ARMC9: variants seen among roughly 807,000 people sequenced by gnomAD.
ARMC9 encodes the protein armadillo repeat containing 9, also known as lisH domain-containing protein ARMC9.
ARMC9 carries 94 observed loss-of-function variants against 107.0 expected under a neutral mutation model. That is an observed-to-expected ratio of 0.88 (90% CI 0.74 to 1.04). ARMC9 has a LOEUF of 1.04. Among genes scored for constraint, ARMC9 ranks in the 50% least tolerant of loss-of-function variants. The pLI, the probability that ARMC9 is intolerant of heterozygous loss-of-function variation, is 0.00. For synonymous variants in ARMC9, 380 were observed against 396.9 expected (o/e 0.96, Z 0.51); for missense variants, 942 against 1,030.1 (o/e 0.91, Z 1.17).
intron 18 of ARMC9, among the ~76,000 whole-genome samples, chr2:231,292,977 CAT>C (rs1444033013): frequency 2.0e-5 from 3 of 152,170 alleles, no homozygotes; most frequent in African/African-American, 4.8e-5. Flanking sequence ...GTTGGGGTCT[CAT>C]GTGCAGCCAA....
intron 6 of ARMC9, among the ~76,000 whole-genome samples, chr2:231,225,085 C>T (rs1055153203): frequency 2.8e-4 from 42 of 152,166 alleles, no homozygotes; most frequent in African/African-American, 9.4e-4. Context: ...CTTTTTACTT[C>T]CTGATTATAA....
intron 19 of ARMC9, among the ~76,000 whole-genome samples, chr2:231,307,903 A>T (rs1325576303): frequency 6.6e-6 from 1 of 152,248 alleles, no homozygotes; most frequent in Non-Finnish European, 1.5e-5. Flanking sequence ...TAGGTTCCAG[A>T]TTGAAACTGC....
intron 8 of ARMC9, among the ~76,000 whole-genome samples, chr2:231,237,800 T>A (rs1245467024): frequency 3.3e-4 from 42 of 126,030 alleles, no homozygotes; most frequent in African/African-American, 8.9e-4. Flanking sequence ...TTTTTTTTTT[T>A]TTTTTTTTTT....
chr2:231,236,402 C>T (rs534163782), intron 8 of ARMC9, among the ~76,000 whole-genome samples: 2 of 152,274 alleles, frequency 1.3e-5, no homozygotes, highest in East Asian at 1.9e-4. Context: ...TCATGGGCAT[C>T]TTTATCTCAT....
At chr2:231,222,892 T>A in intron 6 of ARMC9, 72 bp downstream of exon 6, 1 of 1,008,532 alleles carries the variant, frequency 9.9e-7, no homozygotes, top group South Asian at 1.5e-5. Context: ...CACGCTGGCT[T>A]AGGTTTATTG....
Position 231,216,675 on chromosome 2 carries a change from A to C in ARMC9, c.386A>C (p.Lys129Thr). The C allele has an allele frequency of 6.2e-7, 1 of 1,613,854 alleles. No individual in the cohort carries two copies. The highest frequency in any genetic ancestry group is 8.5e-7 in the Non-Finnish European group (1 of 1,179,840). The change falls in exon 5 of 25, where the codon AAA (lysine) becomes ACA (threonine). Residue 129 changes from lysine to threonine, a missense_variant. Coordinates refer to ENST00000611582, the MANE Select transcript of ARMC9 (RefSeq NM_001352754.2). ...CTGGATGAAAAGATTTCCTACTTCA[A>C]AACCTACCTGGAGACCAAAGGGGCA... ...EELDEKISYF[K>T]TYLETKGAAL...
chr2:231,200,550 T>C (rs1367580964), intron 1 of ARMC9, among the ~76,000 whole-genome samples: 1 of 152,206 alleles, frequency 6.6e-6, no homozygotes, highest in Non-Finnish European at 1.5e-5. Flanking sequence ...GGCGGACGCC[T>C]GTAATCCCAT....
intron 20 of ARMC9, among the ~76,000 whole-genome samples, chr2:231,342,459 G>A (rs2044573503): frequency 6.6e-6 from 1 of 152,204 alleles, no homozygotes; most frequent in Non-Finnish European, 1.5e-5. Flanking sequence ...TGACAGTGGG[G>A]AAGTGGAGGC....
chr2:231,250,250 A>T (rs1448167851), intron 9 of ARMC9, among the ~76,000 whole-genome samples: 1 of 152,126 alleles, frequency 6.6e-6, no homozygotes, highest in Non-Finnish European at 1.5e-5. Flanking sequence ...GTGATTGGTG[A>T]TTCTGACTGT....
Position 231,355,887 on chromosome 2 carries a change from A to G in ARMC9, c.2084A>G (p.Tyr695Cys). The G allele has an allele frequency of 3.9e-6, 6 of 1,536,134 alleles. No individual in the cohort carries two copies. Among genetic ancestry groups the G allele is most frequent in the Non-Finnish European group, 5.2e-6 (6 of 1,146,900 alleles). The change falls in exon 22 of 25, where the codon TAC becomes TGC. Residue 695 changes from tyrosine to cysteine, a missense_variant. By Grantham distance (194) the Tyr-to-Cys change is radical. Transcript: ENST00000611582. ...CTGCCAGCCGCTCACGAGGCTGTCT[A>G]CAGGGAGGGCAAGCCCAGCACCCCG... ...QALPAAHEAV[Y>C]REGKPSTPES... is the part of the protein sequence containing the mutation.
intron 5 of ARMC9, among the ~76,000 whole-genome samples, chr2:231,220,470 G>A (rs776260835): frequency 2.0e-5 from 3 of 151,886 alleles, no homozygotes; most frequent in Non-Finnish European, 4.4e-5. Context: ...GGTGGCTAAT[G>A]CCTGTAATCC....
Position 231,235,339 on chromosome 2 carries a change from A to C in ARMC9, c.738A>C (p.Ala246=). The change falls in exon 8 of 25, where the codon GCA becomes GCC. Residue 246 remains alanine (A), a synonymous_variant. Coordinates refer to ENST00000611582, the MANE Select transcript of ARMC9 (RefSeq NM_001352754.2). ...ACCACAATCTCATTGGAGTCACAGC[A>C]GAGCTGGTGGATTCTCTAGAGGCCA... The part of the protein sequence containing the change: ...ADYHNLIGVT[A]ELVDSLEATV... 1.2e-6 allele frequency: 2 copies of C among 1,614,266 alleles called. No homozygotes were observed. The highest frequency in any genetic ancestry group is 1.7e-6 in the Non-Finnish European group (2 of 1,180,046).
intron 1 of ARMC9, among the ~76,000 whole-genome samples, chr2:231,202,545 C>G (rs2031227451): frequency 6.6e-6 from 1 of 152,060 alleles, no homozygotes; most frequent in South Asian, 2.1e-4. Flanking sequence ...TGGTCTCGAA[C>G]TCATGAGCTC....
At position 231,362,266 on chromosome 2, in the gene ARMC9, G is replaced by A. The variant is rs909515435; in HGVS notation, c.2261+1383G>A. 1.3e-5 allele frequency among the ~76,000 whole-genome samples: 2 copies of A among 152,178 alleles called. No individual in the cohort carries two copies. The highest frequency in any genetic ancestry group is 2.9e-5 in the Non-Finnish European group (2 of 68,024). Reference sequence around the variant, plus strand: ...TCCCCCTGAAATGGGGACTCAAAATGAGAGACCTCTGAGGAGTGGGCTAGA... The same window carrying A: ...TCCCCCTGAAATGGGGACTCAAAATAAGAGACCTCTGAGGAGTGGGCTAGA... On this transcript the variant is annotated intron_variant, in intron 23 of 24. Coordinates refer to ENST00000611582, the MANE Select transcript of ARMC9 (RefSeq NM_001352754.2). The surrounding 1 kb of genome is among the most constrained non-coding windows in gnomAD (Gnocchi z 4.7).
chr2:231,267,575 A>G (rs540382533), intron 12 of ARMC9, among the ~76,000 whole-genome samples: 23 of 152,244 alleles, frequency 1.5e-4, no homozygotes, highest in South Asian at 6.2e-4. Flanking sequence ...GCTGCTGTGT[A>G]TTTTGGCTTT....
In ARMC9 at chr2:231,226,638, T is replaced by C. The variant is rs547673506; in HGVS notation, c.598-136T>C. ...GTTGCTTAGCTATTTACAGCAACAGTTGGAGCTGGCCCTCCCGGCTCCGAG... is the reference window on the plus strand; with the variant it reads ...GTTGCTTAGCTATTTACAGCAACAGCTGGAGCTGGCCCTCCCGGCTCCGAG... On this transcript the variant is annotated intron_variant, in intron 6 of 24. Coordinates refer to ENST00000611582, the MANE Select transcript of ARMC9 (RefSeq NM_001352754.2). The C allele has an allele frequency of 6.0e-5, 60 of 1,001,014 alleles. 1 individual carries two copies. Among genetic ancestry groups the C allele is most frequent in the South Asian group, 4.7e-4 (35 of 74,402 alleles). 62.0% of individuals were successfully genotyped at this position (1,001,014 alleles called of 1,614,324 possible). A position where few individuals can be genotyped will look rare whatever the true frequency, so the allele number is the denominator to read the frequency against.
intron 15 of ARMC9, among the ~76,000 whole-genome samples, chr2:231,277,269 G>A (rs1208750911): frequency 2.0e-5 from 3 of 152,164 alleles, no homozygotes; most frequent in African/African-American, 7.2e-5. Context: ...GATCGCTGAA[G>A]GTAGTGATTT....
intron 1 of ARMC9, among the ~76,000 whole-genome samples, chr2:231,205,326 C>T (rs901137601): frequency 1.3e-5 from 2 of 152,018 alleles, no homozygotes; most frequent in Non-Finnish European, 2.9e-5. Context: ...GCTATGATTG[C>T]ACCATTGCAC....
At chr2:231,265,983 CTG>C (rs2038822670) in intron 12 of ARMC9, among the ~76,000 whole-genome samples, 1 of 147,284 alleles carries the variant, frequency 6.8e-6, no homozygotes, top group Non-Finnish European at 1.5e-5. Context: ...GGGCAGCAGA[CTG>C]AGACGCCATC....
Sources: allele counts gnomAD v4.1 joint callset (sites outside exome capture counted in the v4.1 genomes callset), GRCh38; gene constraint gnomAD v4.1.1; non-coding constraint Gnocchi (gnomAD v3.1); transcripts MANE v1.5; gene names NCBI Gene and HGNC (gene_info 2026-07-23, HGNC 2026-07-21).